Variants in MTMR6 observed in about 807,000 individuals in gnomAD.
MTMR6 encodes phosphatidylinositol-3,5-bisphosphate 3-phosphatase MTMR6.
A neutral mutation model predicts 80.1 loss-of-function variants in MTMR6; 47 were observed. The observed-to-expected ratio is 0.59, with a 90% CI of 0.46 to 0.75. The LOEUF is 0.75. Among genes scored for constraint, MTMR6 ranks in the 30% least tolerant of loss-of-function variants. The pLI is 0.00. For missense variants in MTMR6, 629 were observed against 730.9 expected, an observed-to-expected ratio of 0.86 and a Z score of 1.61; for synonymous variants, 254 against 253.0, an observed-to-expected ratio of 1.00 and a Z score of -0.04.
chr13:25,250,699 AATAAAAGCTACATG>A (rs1957065592), intron 13 of MTMR6, among the ~76,000 whole-genome samples: 1 of 152,222 alleles, frequency 6.6e-6, no homozygotes, highest in Admixed American at 6.5e-5. Context: ...TAAAAAGATG[AATAAAAGCTACATG>A]TATCAACATG....
intron 1 of MTMR6, among the ~76,000 whole-genome samples, chr13:25,275,374 A>T (rs952852911): frequency 2.6e-5 from 4 of 151,968 alleles, no homozygotes; most frequent in African/African-American, 9.7e-5. Flanking sequence ...GTGAGCCAAG[A>T]TTGTGCCACT....
At chr13:25,279,683 C>T (rs1009524904) in intron 1 of MTMR6, among the ~76,000 whole-genome samples, 3 of 152,002 alleles carry the variant, frequency 2.0e-5, no homozygotes, top group African/African-American at 7.2e-5. Context: ...AAGGCAAATT[C>T]CATATTTTAA....
At chr13:25,253,740 A>C in intron 11 of MTMR6, 24 bp downstream of exon 11, 1 of 1,596,444 alleles carries the variant, frequency 6.3e-7, no homozygotes, top group Admixed American at 1.7e-5. Flanking sequence ...GGAAAAGGAG[A>C]CTCTTTTAAT....
intron 5 of MTMR6, among the ~76,000 whole-genome samples, chr13:25,263,978 C>T (rs1957395539): frequency 6.6e-6 from 1 of 152,064 alleles, no homozygotes; most frequent in Admixed American, 6.6e-5. Context: ...AATATGAGAA[C>T]TCAGCCAAGA....
At position 25,266,058 on chromosome 13, in the gene MTMR6, T is replaced by G. The variant is rs967828718; in HGVS notation, c.462+71A>C. 3.8e-6 allele frequency: 6 copies of G among 1,593,408 alleles called. No individual in the cohort carries two copies. In the Admixed American group the frequency reaches 1.0e-4, roughly 27 times the overall value. On this transcript the variant is annotated intron_variant, in intron 4 of 13. Coordinates refer to ENST00000381801, the MANE Select transcript of MTMR6 (RefSeq NM_004685.5). ...AGCACATTTCAGTACACAGACAACT[T>G]GCTACGCTGACACTCTCTAACCCTC...
rs1327006185 is a variant in MTMR6 at position 25,266,280 on chromosome 13, T to C, written c.311A>G (p.Tyr104Cys). ...ATAAGAAAATGCATAGAGATCTTCA[T>C]ATTTTGCTACAGAATACAAAATTTT... is the stretch of plus-strand genomic sequence containing the variant. ...SLLQLSKQAK[Y>C]EDLYAFSYNP... Residue 104 changes from tyrosine (Y) to cysteine (C), a missense_variant, in exon 4 of 14, where the codon TAT becomes TGT. By Grantham distance (194) the Tyr-to-Cys change is radical. Coordinates refer to ENST00000381801, the MANE Select transcript of MTMR6 (RefSeq NM_004685.5). 6.2e-7 allele frequency: 1 copy of C among 1,609,744 alleles called. No homozygotes were observed. Among genetic ancestry groups the C allele is most frequent in the African/African-American group, 1.3e-5 (1 of 74,902 alleles).
rs181765868 is a variant in MTMR6 at position 25,280,807 on chromosome 13, G to A, written c.24+6417C>T. On this transcript the variant is annotated intron_variant, in intron 1 of 13. Transcript: ENST00000381801. ...GGAAAAGAAAGAACAAACGAAAAAC[G>A]AAAATGTGGCAAGGAGAAAGGAATT... 3.5e-3 allele frequency among the ~76,000 whole-genome samples: 529 copies of A among 152,238 alleles called. 1 individual carries two copies. Among genetic ancestry groups the A allele is most frequent in the Non-Finnish European group, 6.6e-3 (447 of 68,004 alleles).
At chr13:25,271,541 T>C (rs971114554) in intron 2 of MTMR6, among the ~76,000 whole-genome samples, 10 of 152,210 alleles carry the variant, frequency 6.6e-5, no homozygotes, top group African/African-American at 2.4e-4. Context: ...AAGTGGAGGT[T>C]CTAAAAGCTG....
intron 1 of MTMR6, among the ~76,000 whole-genome samples, chr13:25,281,910 C>T (rs1297715204): frequency 1.3e-5 from 2 of 152,120 alleles, no homozygotes; most frequent in Non-Finnish European, 2.9e-5. Context: ...AACCTCAGAT[C>T]GTAAATCCAG....
chr13:25,279,625 C>T (rs1957801681), intron 1 of MTMR6, among the ~76,000 whole-genome samples: 1 of 152,056 alleles, frequency 6.6e-6, no homozygotes, highest in Non-Finnish European at 1.5e-5. Context: ...AGCTACTATC[C>T]AGATAAGTTC....
At position 25,270,954 on chromosome 13, in the gene MTMR6, T is replaced by G. The variant is rs544589238; in HGVS notation, c.142-3013A>C. ...GCAGCTATGATTTACGCCACTACTA[T>G]GTTTTACGCACAGATGTTTTTCATA... On this transcript the variant is annotated intron_variant, in intron 2 of 13. Transcript: ENST00000381801. 7.2e-5 allele frequency among the ~76,000 whole-genome samples: 11 copies of G among 152,338 alleles called. No homozygotes were observed. The East Asian group carries it at 1.9e-3, about 27-fold the overall frequency.
chr13:25,273,698 T>G (rs1957635467), intron 2 of MTMR6, among the ~76,000 whole-genome samples: 1 of 152,048 alleles, frequency 6.6e-6, no homozygotes, highest in Non-Finnish European at 1.5e-5. Flanking sequence ...GCTAATTTTT[T>G]GTATTTTTAG....
In MTMR6 at chr13:25,257,807, A is replaced by G. The variant is rs1232068281; in HGVS notation, c.898T>C (p.Ser300Pro). 1 of 1,613,760 alleles carries G rather than the reference A, an allele frequency of 6.2e-7. No homozygotes were observed. The highest frequency in any genetic ancestry group is 8.5e-7 in the Non-Finnish European group (1 of 1,179,844). The change falls in exon 8 of 14, where the codon TCC becomes CCC. Residue 300 changes from serine (S) to proline (P), a missense_variant. Transcript: ENST00000381801. ...AGCCATCCCGAGCTCTCCAAACCGGAGTAGAAATCATTGACAGAAAGCCCT... is the reference window on the plus strand; with the variant it reads ...AGCCATCCCGAGCTCTCCAAACCGGGGTAGAAATCATTGACAGAAAGCCCT... ...TKGLSVNDFY[S>P]GLESSGWLRH... is the part of the protein sequence containing the mutation.
Position 25,274,092 on chromosome 13 carries a change from G to A in MTMR6, c.120C>T (p.Asp40=), listed in dbSNP as rs746451096. The stretch of plus-strand genomic sequence containing the variant: ...TTACCCAGGTTTCTTTTTGATGAGA[G>A]TCGATAAATAATAGATGTGTAGCCG... ...YLTATHLLFI[D]SHQKETWILH... is the part of the protein sequence containing the mutation. Residue 40 remains aspartate (D), a synonymous_variant, in exon 2 of 14, where the codon GAC becomes GAT. Transcript: ENST00000381801. 3 of 1,606,326 alleles carry A rather than the reference G, an allele frequency of 1.9e-6. No homozygotes were observed. The highest frequency in any genetic ancestry group is 2.6e-6 in the Non-Finnish European group (3 of 1,174,590).
chr13:25,255,907 A>C (rs1360493096), intron 9 of MTMR6, among the ~76,000 whole-genome samples: 1 of 152,178 alleles, frequency 6.6e-6, no homozygotes, highest in Non-Finnish European at 1.5e-5. Flanking sequence ...AAAATTAAAA[A>C]CTTTTGTCTC....
intron 9 of MTMR6, 96 bp from the exon 10 acceptor site, chr13:25,254,530 TACAC>T: frequency 2.4e-6 from 2 of 832,050 alleles, no homozygotes; most frequent in Non-Finnish European, 3.8e-6. Context: ...GTATTTACTG[TACAC>T]TTTTAACTTA....
Position 25,287,229 on chromosome 13 carries a change from T to G in MTMR6, c.19A>C (p.Thr7Pro), listed in dbSNP as rs1957971328. The change falls in exon 1 of 14, where the codon ACC becomes CCC. Residue 7 changes from threonine to proline, a missense_variant. Transcript: ENST00000381801. MEHIRT[T>P]KVEQVKLLDR... is the part of the protein sequence containing the mutation. The stretch of plus-strand genomic sequence containing the variant: ...GCGATCCCGCGCCCGACTACCTTGG[T>G]CGTCCGGATATGCTCCATCGCAAGG... 3.2e-5 allele frequency: 51 copies of G among 1,598,250 alleles called. No individual in the cohort carries two copies. The highest frequency in any genetic ancestry group is 4.3e-5 in the Non-Finnish European group (51 of 1,174,944).
At chr13:25,255,854 C>T (rs1255476101) in intron 9 of MTMR6, among the ~76,000 whole-genome samples, 1 of 152,158 alleles carries the variant, frequency 6.6e-6, no homozygotes, top group Non-Finnish European at 1.5e-5. Flanking sequence ...CCCTGGAACC[C>T]ATCACCTCCC....
chr13:25,264,775 A>AAG (rs1491106020), intron 5 of MTMR6, among the ~76,000 whole-genome samples: 20 of 133,736 alleles, frequency 1.5e-4, no homozygotes, highest in South Asian at 8.7e-4. Context: ...AAAAAAAAAA[A>AAG]GAAATTTCAG....
Sources: allele counts gnomAD v4.1 joint callset (sites outside exome capture counted in the v4.1 genomes callset), GRCh38; gene constraint gnomAD v4.1.1; transcripts MANE v1.5; gene names NCBI Gene and HGNC (gene_info 2026-07-23, HGNC 2026-07-21).